The following CLNK variants were observed in gnomAD, a reference collection of about 807,000 sequenced individuals.
The protein encoded by CLNK is cytokine-dependent hematopoietic cell linker.
CLNK carries 74 observed loss-of-function variants against 68.6 expected under a neutral mutation model. That is an observed-to-expected ratio of 1.08 (90% CI 0.89 to 1.31). The LOEUF (loss-of-function observed/expected upper bound fraction) is 1.31. CLNK is among the 50% of genes most tolerant of loss of function. The pLI, the probability that CLNK is intolerant of heterozygous loss-of-function variation, is 0.00. For synonymous variants in CLNK, 198 were observed against 172.2 expected (o/e 1.15, Z -1.17); for missense variants, 553 against 515.3 (o/e 1.07, Z -0.71).
At chr4:10,688,731 A>G, upstream of CLNK, among the ~76,000 whole-genome samples, 1 of 152,214 alleles carries the variant, frequency 6.6e-6, no homozygotes, top group East Asian at 1.9e-4. Flanking sequence ...GGTGTAACAC[A>G]TCTGTTAACA....
intron 18 of CLNK, among the ~76,000 whole-genome samples, chr4:10,498,217 T>G (rs915408605): frequency 3.4e-5 from 5 of 146,108 alleles, no homozygotes; most frequent in Non-Finnish European, 7.5e-5. Context: ...ATAAGCTGGG[T>G]GCTGTGGCTC....
At chr4:10,577,084 A>T (rs891116989) in intron 4 of CLNK, among the ~76,000 whole-genome samples, 1 of 152,228 alleles carries the variant, frequency 6.6e-6, no homozygotes, top group Non-Finnish European at 1.5e-5. Context: ...CTCATCTTGC[A>T]TGAGAAGAGA....
chr4:10,620,668 G>T (rs1722402430), intron 2 of CLNK, among the ~76,000 whole-genome samples: 1 of 152,154 alleles, frequency 6.6e-6, no homozygotes, highest in Admixed American at 6.5e-5. Flanking sequence ...TGGGGTGCCT[G>T]CCTGCACCTG....
intron 1 of CLNK, among the ~76,000 whole-genome samples, chr4:10,679,935 C>A (rs1725029166): frequency 6.6e-6 from 1 of 152,108 alleles, no homozygotes; most frequent in African/African-American, 2.4e-5. Flanking sequence ...TAAACTAGTT[C>A]AACTATTGTG....
intron 3 of CLNK, among the ~76,000 whole-genome samples, chr4:10,596,184 T>G (rs1462338016): frequency 2.0e-5 from 3 of 152,270 alleles, no homozygotes; most frequent in Non-Finnish European, 2.9e-5. Context: ...CACCACCACA[T>G]CTGGCTACTT....
intron 4 of CLNK, among the ~76,000 whole-genome samples, chr4:10,578,579 C>CTTTTTTTTTT (rs5856062): frequency 1.8e-4 from 8 of 44,892 alleles, no homozygotes; most frequent in African/African-American, 4.4e-4. Flanking sequence ...CTTACCTTAT[C>CTTTTTTTTTT]TTTTTTTTTT....
At chr4:10,649,141 T>C (rs1431980396) in intron 2 of CLNK, among the ~76,000 whole-genome samples, 1 of 152,162 alleles carries the variant, frequency 6.6e-6, no homozygotes, top group African/African-American at 2.4e-5. Flanking sequence ...CACCAATGAT[T>C]GAATGAAAAA....
intron 2 of CLNK, among the ~76,000 whole-genome samples, chr4:10,644,691 C>T (rs1194540325): frequency 6.6e-6 from 1 of 152,104 alleles, no homozygotes; most frequent in Admixed American, 6.6e-5. Context: ...AACATTAATG[C>T]AAACAATTCA....
At chr4:10,601,596 T>TA (rs1378103501) in intron 2 of CLNK, among the ~76,000 whole-genome samples, 7 of 152,172 alleles carry the variant, frequency 4.6e-5, no homozygotes, top group Non-Finnish European at 7.3e-5. Context: ...TTAAGCATAA[T>TA]AGGGCAAAAT....
intron 7 of CLNK, among the ~76,000 whole-genome samples, chr4:10,563,214 G>T (rs1719967619): frequency 6.6e-6 from 1 of 152,166 alleles, no homozygotes; most frequent in South Asian, 2.1e-4. Flanking sequence ...ATATTCAAAA[G>T]CAGGTTAATA....
intron 14 of CLNK, among the ~76,000 whole-genome samples, chr4:10,522,239 CAG>C (rs567414408): frequency 0.017 from 1,973 of 117,272 alleles, 14 homozygotes; most frequent in Middle Eastern, 0.025. Context: ...GCCTGGGCAA[CAG>C]AGTGAGACTC....
chr4:10,620,012 A>G (rs932994533), intron 2 of CLNK, among the ~76,000 whole-genome samples: 3 of 152,128 alleles, frequency 2.0e-5, no homozygotes, highest in Non-Finnish European at 4.4e-5. Flanking sequence ...TTTTCTTTTC[A>G]CACAAGAATG....
chr4:10,656,331 C>CAAAAAA (rs33941894), intron 2 of CLNK, among the ~76,000 whole-genome samples: 1 of 89,448 alleles, frequency 1.1e-5, no homozygotes, highest in Non-Finnish European at 2.1e-5. Flanking sequence ...AATGCCTGAC[C>CAAAAAA]AAAAAAAAAA....
intron 4 of CLNK, 32 bp from the exon 5 acceptor site, chr4:10,571,810 A>G (rs1204010010): frequency 6.3e-7 from 1 of 1,583,788 alleles, no homozygotes; most frequent in Non-Finnish European, 8.7e-7. Context: ...GTGTTATTTT[A>G]ATCACTGTGG....
chr4:10,626,434 C>A (rs1236081164), intron 2 of CLNK, among the ~76,000 whole-genome samples: 2 of 152,160 alleles, frequency 1.3e-5, no homozygotes, highest in Non-Finnish European at 2.9e-5. Flanking sequence ...TTCTTTCTTT[C>A]CTGTAAGACA....
upstream of CLNK, among the ~76,000 whole-genome samples, chr4:10,689,762 T>TTTTTTTTTTTTTC (rs55754483): frequency 2.0e-5 from 3 of 149,442 alleles, no homozygotes; most frequent in East Asian, 2.0e-4. Flanking sequence ...TTTTTTTTTT[T>TTTTTTTTTTTTTC]ACAAATTGTG....
At chr4:10,566,789 G>T (rs1215204884) in intron 5 of CLNK, among the ~76,000 whole-genome samples, 1 of 152,090 alleles carries the variant, frequency 6.6e-6, no homozygotes, top group Non-Finnish European at 1.5e-5. Flanking sequence ...TTTGAGAACA[G>T]CCTGGGCAAC....
intron 4 of CLNK, among the ~76,000 whole-genome samples, chr4:10,584,646 A>T (rs1293938010): frequency 6.6e-6 from 1 of 152,188 alleles, no homozygotes; most frequent in African/African-American, 2.4e-5. Flanking sequence ...CCCATTGCAC[A>T]GATGAAGGAA....
chr4:10,524,061 CAAAA>C lies in CLNK; in HGVS notation c.731+1776_731+1779del, dbSNP rs1221789552. The C allele has an allele frequency of 7.6e-4, 132 of 173,806 alleles. 1 individual carries two copies. Among genetic ancestry groups the C allele is most frequent in the Admixed American group, 2.3e-3 (35 of 15,178 alleles). The allele number at this position is 173,806 out of a possible 1,614,324, so 10.8% of individuals were successfully genotyped here. ...AAGAAAGGAAGGAAGGAAGAAAAAA[CAAAA>C]GAAAGAAAGAAAGAAAAGAGAAGAG... is the stretch of plus-strand genomic sequence containing the variant. On this transcript the variant is annotated intron_variant, in intron 14 of 18. Coordinates refer to ENST00000226951, the MANE Select transcript of CLNK (RefSeq NM_052964.4).
Sources: allele counts gnomAD v4.1 joint callset (sites outside exome capture counted in the v4.1 genomes callset), GRCh38; gene constraint gnomAD v4.1.1; transcripts MANE v1.5; gene names NCBI Gene and HGNC (gene_info 2026-07-23, HGNC 2026-07-21).